The following REST variants were observed in gnomAD, a reference collection of about 807,000 sequenced individuals.
REST encodes RE1-silencing transcription factor.
REST carries 1 observed loss-of-function variant against 30.4 expected under a neutral mutation model. That is an observed-to-expected ratio of 0.03 (90% CI 0.01 to 0.16). The LOEUF is 0.16. Among genes scored for constraint, REST ranks in the 10% least tolerant of loss-of-function variants. The pLI is 1.00. For missense variants in REST, 1,259 were observed against 1,329.5 expected (o/e 0.95, Z 0.82); for synonymous variants, 504 against 451.1 (o/e 1.12, Z -1.49).
chr4:56,932,066 A>G lies in REST; in HGVS notation c.3208A>G (p.Arg1070Gly), dbSNP rs1268793336. 1.2e-6 allele frequency: 2 copies of G among 1,614,248 alleles called. No homozygotes were observed. Among genetic ancestry groups the G allele is most frequent in the Admixed American group, 1.7e-5 (1 of 60,026 alleles). ...TTGTATCTTCTGTGATCGTTCTTTC[A>G]GAAAGGGAAAAGATTACAGCAAACA... ...FVCIFCDRSFRKGKDYSKHLN... is the reference protein window; with the variant it reads ...FVCIFCDRSFGKGKDYSKHLN... Residue 1070 changes from arginine (R) to glycine (G), a missense_variant, in exon 4 of 4, where the codon AGA becomes GGA. Arg to Gly is a moderately radical substitution (Grantham distance 125). This residue lies in a region of REST where 25 missense variants were observed against 33.2 expected (regional missense o/e 0.75). Transcript: ENST00000309042.
chr4:56,917,870 T>G (rs971745243), intron 2 of REST, among the ~76,000 whole-genome samples: 33 of 151,234 alleles, frequency 2.2e-4, no homozygotes, highest in Admixed American at 8.6e-4. Context: ...GCTAACAAGG[T>G]GAAACCCCGT....
chr4:56,916,538 G>A (rs1036902206), intron 2 of REST, among the ~76,000 whole-genome samples: 3 of 152,132 alleles, frequency 2.0e-5, no homozygotes, highest in Middle Eastern at 3.2e-3. Flanking sequence ...TCGGGAGGCT[G>A]AGGCAGGAGA....
rs1380492040 is a variant in REST, at chr4:56,929,952, A to G, written c.1094A>G (p.His365Arg). 2 of 1,614,200 alleles carry G rather than the reference A, an allele frequency of 1.2e-6. No homozygotes were observed. Among genetic ancestry groups the G allele is most frequent in the Admixed American group, 1.7e-5 (1 of 60,020 alleles). The change falls in exon 4 of 4, where the codon CAC becomes CGC. Residue 365 changes from histidine to arginine, a missense_variant. Coordinates refer to ENST00000309042, the MANE Select transcript of REST (RefSeq NM_005612.5). ...GGGCCTAAACCTCTTAATTGCCCAC[A>G]CTGTGATTACAAAACAGCAGATAGA... ...HNGPKPLNCP[H>R]CDYKTADRSN...
rs1720904030 is a variant in REST, at chr4:56,930,378, G to A, written c.1520G>A (p.Gly507Glu). The A allele has an allele frequency of 1.2e-6, 2 of 1,613,736 alleles. No individual in the cohort carries two copies. The highest frequency in any genetic ancestry group is 8.5e-7 in the Non-Finnish European group (1 of 1,179,952). ...TEVKEMDVHTGSNSEKFSKTK... is the reference protein window; with the variant it reads ...TEVKEMDVHTESNSEKFSKTK... Reference sequence around the variant, plus strand: ...GTGAAAGAGATGGATGTGCATACAGGAAGCAATTCAGAAAAATTCAGTAAA... The same window carrying A: ...GTGAAAGAGATGGATGTGCATACAGAAAGCAATTCAGAAAAATTCAGTAAA... The change falls in exon 4 of 4, where the codon GGA (glycine) becomes GAA (glutamate). Residue 507 changes from glycine (G) to glutamate (E), a missense_variant. Transcript: ENST00000309042.
chr4:56,925,409 A>G (rs376366807), intron 3 of REST, among the ~76,000 whole-genome samples: 35 of 152,194 alleles, frequency 2.3e-4, no homozygotes, highest in African/African-American at 8.4e-4. Flanking sequence ...ACAGGGTCTC[A>G]CTAGGTTGCC....
Position 56,931,453 on chromosome 4 carries a change from A to G in REST, c.2595A>G (p.Pro865=). The G allele has an allele frequency of 6.2e-7, 1 of 1,614,192 alleles. No individual in the cohort carries two copies. The highest frequency in any genetic ancestry group is 8.5e-7 in the Non-Finnish European group (1 of 1,180,020). ...CAGAGGATCTCTCACCACCATCACCACCACTGCCAAAGGAAAATTTAAGAG... is the reference window on the plus strand; with the variant it reads ...CAGAGGATCTCTCACCACCATCACCGCCACTGCCAAAGGAAAATTTAAGAG... ...VSTEDLSPPS[P]PLPKENLREE... Residue 865 remains proline, a synonymous_variant, in exon 4 of 4, where the codon CCA becomes CCG. Coordinates refer to ENST00000309042, the MANE Select transcript of REST (RefSeq NM_005612.5).
intron 2 of REST, among the ~76,000 whole-genome samples, chr4:56,914,027 C>T (rs955419304): frequency 9.9e-5 from 15 of 151,914 alleles, no homozygotes; most frequent in African/African-American, 3.4e-4. Context: ...CCTTGACCTC[C>T]TGGACTTGTG....
intron 2 of REST, among the ~76,000 whole-genome samples, chr4:56,918,260 T>C (rs1039810353): frequency 6.6e-6 from 1 of 151,720 alleles, no homozygotes; most frequent in Non-Finnish European, 1.5e-5. Flanking sequence ...GGGAGGCCAA[T>C]ATAGGCGGAT....
In REST at chr4:56,932,005, A is replaced by C; in HGVS notation, c.3147A>C (p.Glu1049Asp). 6.2e-7 allele frequency: 1 copy of C among 1,614,220 alleles called. No individual in the cohort carries two copies. Among genetic ancestry groups the C allele is most frequent in the East Asian group, 2.2e-5 (1 of 44,890 alleles). The change falls in exon 4 of 4, where the codon GAA becomes GAC. Residue 1049 changes from glutamate (E) to aspartate (D), a missense_variant. By Grantham distance (45) the Glu-to-Asp change is conservative. Coordinates refer to ENST00000309042, the MANE Select transcript of REST (RefSeq NM_005612.5). ...PQESSRKNAK[E>D]ALAVKAAKGD... Reference sequence around the variant, plus strand: ...AATCTAGCAGAAAAAATGCAAAGGAAGCCTTGGCAGTCAAAGCGGCTAAGG... The same window carrying C: ...AATCTAGCAGAAAAAATGCAAAGGACGCCTTGGCAGTCAAAGCGGCTAAGG...
chr4:56,925,125 A>G (rs1720630906), intron 3 of REST, among the ~76,000 whole-genome samples: 1 of 147,106 alleles, frequency 6.8e-6, no homozygotes, highest in African/African-American at 2.5e-5. Context: ...AGATTGCGCC[A>G]TTGCACTCCA....
chr4:56,908,778 G>A (rs1216902858), intron 1 of REST: 1 of 151,900 alleles, frequency 6.6e-6, no homozygotes, highest in Non-Finnish European at 1.5e-5. Flanking sequence ...CGGCGCCGCT[G>A]GCCCCCGCGT....
intron 1 of REST, 54 bp from the exon 2 acceptor site, chr4:56,910,576 C>T: frequency 7.0e-7 from 1 of 1,431,448 alleles, no homozygotes; most frequent in Non-Finnish European, 9.4e-7. Flanking sequence ...GGTTTTAAGC[C>T]AGTAACAGTA....
At chr4:56,911,636 T>A in intron 2 of REST, 100 bp downstream of exon 2, 1 of 984,638 alleles carries the variant, frequency 1.0e-6, no homozygotes, top group Middle Eastern at 2.2e-4. Context: ...CTGGTTCAAA[T>A]CCAGGTTCCA....
At chr4:56,918,179 C>A (rs1458559512) in intron 2 of REST, among the ~76,000 whole-genome samples, 1 of 150,392 alleles carries the variant, frequency 6.6e-6, no homozygotes, top group Non-Finnish European at 1.5e-5. Flanking sequence ...GTCCCTGTGG[C>A]TTTTATAATT....
Position 56,910,871 on chromosome 4 carries a change from C to T in REST, c.233C>T (p.Pro78Leu). 3.7e-6 allele frequency: 6 copies of T among 1,614,082 alleles called. No homozygotes were observed. Among genetic ancestry groups the T allele is most frequent in the Non-Finnish European group, 5.1e-6 (6 of 1,180,020 alleles). The change falls in exon 2 of 4, where the codon CCG becomes CTG. Residue 78 changes from proline (P) to leucine (L), a missense_variant. This residue lies in a region of REST where 249 missense variants were observed against 251.5 expected (regional missense o/e 0.99). Coordinates refer to ENST00000309042, the MANE Select transcript of REST (RefSeq NM_005612.5). ...GAAAGACAGATGGCAGAACTGATGC[C>T]GGTTGGGGATAACAACTTTTCAGAT... ...GEERQMAELM[P>L]VGDNNFSDSE... is the part of the protein sequence containing the mutation.
Position 56,910,706 on chromosome 4 carries a change from G to A in REST, c.68G>A (p.Gly23Glu), listed in dbSNP as rs375511894. 23 of 1,614,010 alleles carry A rather than the reference G, an allele frequency of 1.4e-5. No individual in the cohort carries two copies. In the African/African-American group the frequency reaches 2.0e-4, roughly 14 times the overall value. The change falls in exon 2 of 4, where the codon GGA becomes GAA. Residue 23 changes from glycine to glutamate, a missense_variant. By Grantham distance (98) the Gly-to-Glu change is moderately conservative. Transcript: ENST00000309042. ...CTGTTTACCAGCAGTGGCAACATTG[G>A]AATGGCCCTGCCTAACGACATGTAT... Reference protein sequence around the residue: ...GGLFTSSGNIGMALPNDMYDL... With the variant: ...GGLFTSSGNIEMALPNDMYDL...
chr4:56,909,113 G>T (rs544765029), intron 1 of REST: 1 of 152,452 alleles, frequency 6.6e-6, no homozygotes, highest in East Asian at 1.9e-4. Context: ...GGGAGGACTG[G>T]TTCCGGCCAA....
chr4:56,923,470 G>A (rs1053552676), intron 3 of REST, among the ~76,000 whole-genome samples: 59 of 152,204 alleles, frequency 3.9e-4, no homozygotes, highest in African/African-American at 1.3e-3. Context: ...TTTTGAGACA[G>A]TTTCGCTCTT....
intron 3 of REST, among the ~76,000 whole-genome samples, chr4:56,920,529 A>G (rs1224357799): frequency 1.3e-5 from 2 of 151,944 alleles, no homozygotes; most frequent in Non-Finnish European, 1.5e-5. Flanking sequence ...TGGGAGGCCA[A>G]GGTGGGCGGA....
Sources: gnomAD v4.1 joint callset for allele counts (sites outside exome capture counted in the v4.1 genomes callset) on GRCh38, gnomAD v4.1.1 for gene constraint, gnomAD v4.1.1 regional missense constraint, MANE v1.5 for transcripts, NCBI Gene and HGNC (gene_info 2026-07-23, HGNC 2026-07-21) for gene names.